The following AFG2A variants were observed in gnomAD, a reference collection of about 807,000 sequenced individuals.
The protein encoded by AFG2A is AAA ATPase AFG2A.
At chr4:122,992,649 A>G in the AFG2A span, among the ~76,000 whole-genome samples, 2 of 152,228 alleles carry the variant, frequency 1.3e-5, no homozygotes, top group African/African-American at 4.8e-5. Context: ...AAATTTCCAA[A>G]TCACACTTGC....
chr4:123,172,547 A>G, the AFG2A span, among the ~76,000 whole-genome samples: 3 of 152,156 alleles, frequency 2.0e-5, no homozygotes, highest in East Asian at 5.8e-4. Context: ...TAGGCGAAAA[A>G]GAGCATTAGC....
chr4:123,215,706 C>T, the AFG2A span, among the ~76,000 whole-genome samples: 1 of 152,204 alleles, frequency 6.6e-6, no homozygotes, highest in South Asian at 2.1e-4. Context: ...CCCTCCACAC[C>T]AACTAAAGAA....
chr4:123,018,800 ATT>A, the AFG2A span, among the ~76,000 whole-genome samples: 12 of 140,770 alleles, frequency 8.5e-5, no homozygotes, highest in Middle Eastern at 3.7e-3. Flanking sequence ...CGCCCAGCTA[ATT>A]TTTTTTTTTT....
chr4:123,277,344 T>C, the AFG2A span, among the ~76,000 whole-genome samples: 2 of 152,244 alleles, frequency 1.3e-5, no homozygotes, highest in Non-Finnish European at 2.9e-5. Flanking sequence ...CCTGAAACTT[T>C]TACTGAAGTT....
At chr4:122,996,620 G>GATAGATAA in the AFG2A span, among the ~76,000 whole-genome samples, 11 of 151,414 alleles carry the variant, frequency 7.3e-5, no homozygotes, top group African/African-American at 2.7e-4. Context: ...TAGATAGATA[G>GATAGATAA]ATAGGAGAGG....
chr4:123,046,254 T>C, the AFG2A span, among the ~76,000 whole-genome samples: 2 of 152,210 alleles, frequency 1.3e-5, no homozygotes, highest in Admixed American at 6.5e-5. Context: ...TTGCACCAGT[T>C]TGGCTAGCAG....
At chr4:122,941,443 T>C in the AFG2A span, among the ~76,000 whole-genome samples, 3 of 152,250 alleles carry the variant, frequency 2.0e-5, no homozygotes, top group African/African-American at 2.4e-5. Flanking sequence ...TTGTCTGTTA[T>C]CGGTGTATAA....
the AFG2A span, among the ~76,000 whole-genome samples, chr4:123,183,478 A>G: frequency 4.6e-5 from 7 of 152,206 alleles, no homozygotes; most frequent in African/African-American, 7.2e-5. Flanking sequence ...TTATTTCATG[A>G]CAGTCTCAAA....
chr4:123,195,979 C>T, the AFG2A span, among the ~76,000 whole-genome samples: 1 of 147,812 alleles, frequency 6.8e-6, no homozygotes, highest in South Asian at 2.2e-4. Flanking sequence ...CATTCATTTC[C>T]TCATTCTTTC....
At chr4:122,969,757 A>G in the AFG2A span, among the ~76,000 whole-genome samples, 2 of 152,142 alleles carry the variant, frequency 1.3e-5, no homozygotes, top group Admixed American at 6.5e-5. Context: ...ATTTCCCTCC[A>G]GGTAGTTTGG....
At chr4:123,182,247 A>G in the AFG2A span, among the ~76,000 whole-genome samples, 1 of 152,226 alleles carries the variant, frequency 6.6e-6, no homozygotes, top group Admixed American at 6.5e-5. Context: ...AAATTTTATT[A>G]TGGAGAAAAA....
the AFG2A span, among the ~76,000 whole-genome samples, chr4:123,229,314 A>G: frequency 6.6e-6 from 1 of 152,002 alleles, no homozygotes; most frequent in East Asian, 1.9e-4. Flanking sequence ...AAGAGATTGG[A>G]CACAAAAGAT....
At chr4:122,999,623 A>G in the AFG2A span, among the ~76,000 whole-genome samples, 1 of 151,534 alleles carries the variant, frequency 6.6e-6, no homozygotes, top group Admixed American at 6.6e-5. Context: ...AGTTGTAGAT[A>G]GGTGGCATTA....
At chr4:123,244,327 A>T in the AFG2A span, among the ~76,000 whole-genome samples, 1 of 152,178 alleles carries the variant, frequency 6.6e-6, no homozygotes, top group African/African-American at 2.4e-5. Flanking sequence ...AAAAAAATTG[A>T]GGAGTGGCAG....
the AFG2A span, among the ~76,000 whole-genome samples, chr4:123,026,899 A>G: frequency 2.0e-5 from 3 of 152,210 alleles, no homozygotes; most frequent in Non-Finnish European, 4.4e-5. Context: ...GTTCCCAAAC[A>G]TGTTCCCTTA....
At chr4:123,207,172 G>C in the AFG2A span, among the ~76,000 whole-genome samples, 1 of 152,034 alleles carries the variant, frequency 6.6e-6, no homozygotes, top group Admixed American at 6.6e-5. Context: ...GGTCACTTCT[G>C]CATCAGTTGT....
At chr4:123,290,387 A>G in the AFG2A span, among the ~76,000 whole-genome samples, 1 of 152,164 alleles carries the variant, frequency 6.6e-6, no homozygotes, top group Admixed American at 6.5e-5. Context: ...GTGAGAGACA[A>G]GAGTCCAATT....
At chr4:123,257,821 A>G in the AFG2A span, among the ~76,000 whole-genome samples, 1 of 152,232 alleles carries the variant, frequency 6.6e-6, no homozygotes, top group African/African-American at 2.4e-5. Context: ...CAAGATATAA[A>G]TATGCCTTTC....
At chr4:123,048,803 A>T in the AFG2A span, among the ~76,000 whole-genome samples, 1 of 152,192 alleles carries the variant, frequency 6.6e-6, no homozygotes, top group African/African-American at 2.4e-5. Context: ...AGATTATGTC[A>T]TCTGCAAACA....
Sources: allele counts gnomAD v4.1 joint callset (sites outside exome capture counted in the v4.1 genomes callset), GRCh38; gene constraint gnomAD v4.1.1; transcripts MANE v1.5; gene names NCBI Gene and HGNC (gene_info 2026-07-23, HGNC 2026-07-21).